The following SETD3 variants were observed in gnomAD, a reference collection of about 807,000 sequenced individuals.
SETD3 encodes the protein SET domain containing 3, actin N3(tau)-histidine methyltransferase, also known as actin-histidine N-methyltransferase.
Under a neutral mutation model 63.0 loss-of-function variants are expected in SETD3, and 19 were observed. The observed-to-expected ratio is 0.30, with a 90% confidence interval of 0.21 to 0.44. The LOEUF is 0.44. SETD3 is among the 20% of genes least tolerant of loss of function. The pLI, the probability that SETD3 is intolerant of heterozygous loss-of-function variation, is 1.00. For synonymous variants in SETD3, 286 were observed against 264.1 expected (o/e 1.08, Z -0.80); for missense variants, 587 against 728.5 (o/e 0.81, Z 2.24).
intron 4 of SETD3, 151 bp downstream of exon 4, chr14:99,461,041 T>C (rs923304452): frequency 8.0e-6 from 7 of 876,286 alleles, no homozygotes; most frequent in South Asian, 5.4e-5. Context: ...GCTTAGAACA[T>C]GAGCCCAAGG....
chr14:99,434,681 C>A (rs551795949), intron 6 of SETD3, among the ~76,000 whole-genome samples: 107 of 151,838 alleles, frequency 7.0e-4, no homozygotes, highest in African/African-American at 2.5e-3. Flanking sequence ...AACCCCGTCT[C>A]TACTAAAAAT....
chr14:99,418,812 G>C (rs1892419558), intron 6 of SETD3, among the ~76,000 whole-genome samples: 1 of 152,164 alleles, frequency 6.6e-6, no homozygotes, highest in African/African-American at 2.4e-5. Flanking sequence ...AGAAATGGGA[G>C]AAGATAAACA....
intron 1 of SETD3, among the ~76,000 whole-genome samples, chr14:99,473,221 G>A (rs868308664): frequency 6.6e-6 from 1 of 152,136 alleles, no homozygotes; most frequent in African/African-American, 2.4e-5. Context: ...CTTTTCCATC[G>A]AATCTGAATC....
intron 8 of SETD3, among the ~76,000 whole-genome samples, chr14:99,407,147 T>A (rs908959603): frequency 3.3e-5 from 5 of 152,206 alleles, no homozygotes; most frequent in African/African-American, 1.2e-4. Context: ...AAAGGCAAAA[T>A]AAAATAACTG....
rs150099133 is a variant in SETD3, at chr14:99,438,987, C to T, written c.675+19292G>A. 6.0e-3 allele frequency among the ~76,000 whole-genome samples: 914 copies of T among 152,362 alleles called. 6 individuals carry two copies. The highest frequency in any genetic ancestry group is 1.0e-2 in the Non-Finnish European group (678 of 68,024). On this transcript the variant is annotated intron_variant, in intron 6 of 12. Coordinates refer to ENST00000331768, the MANE Select transcript of SETD3 (RefSeq NM_032233.3). Reference sequence around the variant, plus strand: ...ATTTATATTCATGATAGCTCAGCTACATTCACAAGTCTGTCACAGAGGGTA... The same window carrying T: ...ATTTATATTCATGATAGCTCAGCTATATTCACAAGTCTGTCACAGAGGGTA...
At chr14:99,426,598 T>A (rs781088761) in intron 6 of SETD3, among the ~76,000 whole-genome samples, 1 of 152,204 alleles carries the variant, frequency 6.6e-6, no homozygotes, top group Non-Finnish European at 1.5e-5. Flanking sequence ...CTGATAAATA[T>A]GAACTGACTC....
chr14:99,405,371 T>C lies in SETD3; in HGVS notation c.925A>G (p.Ile309Val). 1 of 1,609,928 alleles carries C rather than the reference T, an allele frequency of 6.2e-7. No homozygotes were observed. Among genetic ancestry groups the C allele is most frequent in the South Asian group, 1.1e-5 (1 of 90,194 alleles). ...GATCGAGTGCCATAAAAAATGTAAA[T>C]CTGAGATGCAGTAAAGAAAAAAGAA... ...ALQDFRAGEQ[I>V]YIFYGTRSNA... The change falls in exon 10 of 13, where the codon ATT becomes GTT. Residue 309 changes from isoleucine to valine, a missense_variant and splice_region_variant. Transcript: ENST00000331768.
chr14:99,401,159 C>A (rs1367795491), intron 11 of SETD3, among the ~76,000 whole-genome samples: 2 of 150,752 alleles, frequency 1.3e-5, no homozygotes, highest in East Asian at 1.9e-4. Flanking sequence ...AAAAAAAATT[C>A]TCAGTTAATG....
intron 6 of SETD3, among the ~76,000 whole-genome samples, chr14:99,456,144 G>A (rs1472608840): frequency 1.3e-5 from 2 of 152,108 alleles, no homozygotes; most frequent in African/African-American, 2.4e-5. Context: ...GACACAGCAA[G>A]ACCCTGTCTC....
intron 6 of SETD3, among the ~76,000 whole-genome samples, chr14:99,440,987 G>A (rs1360571382): frequency 6.6e-6 from 1 of 152,202 alleles, no homozygotes; most frequent in Admixed American, 6.5e-5. Context: ...CTGATGCTCA[G>A]GGCCAATGAG....
intron 11 of SETD3, among the ~76,000 whole-genome samples, chr14:99,403,879 G>A (rs1419450116): frequency 6.6e-6 from 1 of 152,204 alleles, no homozygotes; most frequent in East Asian, 1.9e-4. Flanking sequence ...ACTGCTCTAT[G>A]TAAGTGAAAA....
chr14:99,465,993 G>GA (rs370221807), intron 1 of SETD3, among the ~76,000 whole-genome samples, 180 bp from the exon 2 acceptor site: 7,061 of 148,904 alleles, frequency 0.047, 190 homozygotes, highest in Non-Finnish European at 0.071. Context: ...TCTCAAATGG[G>GA]AAAAAAAAAA....
In SETD3 at chr14:99,404,254, G is replaced by A; in HGVS notation, c.1148C>T (p.Ala383Val). The A allele has an allele frequency of 6.2e-7, 1 of 1,614,078 alleles. No individual in the cohort carries two copies. Among genetic ancestry groups the A allele is most frequent in the Non-Finnish European group, 8.5e-7 (1 of 1,179,988 alleles). The change falls in exon 11 of 13, where the codon GCT becomes GTT. Residue 383 changes from alanine to valine, a missense_variant. By Grantham distance (64) the Ala-to-Val change is moderately conservative. Coordinates refer to ENST00000331768, the MANE Select transcript of SETD3 (RefSeq NM_032233.3). ...AGTCATACAGAATACTCGGAGAAAA[G>A]CCAAAAGCTGAGCAGAGATGGGCGG... Reference protein sequence around the residue: ...TEPPISAQLLAFLRVFCMTEE... With the variant: ...TEPPISAQLLVFLRVFCMTEE...
chr14:99,474,436 G>GT (rs1895863344), intron 1 of SETD3, among the ~76,000 whole-genome samples: 1 of 152,194 alleles, frequency 6.6e-6, no homozygotes, highest in African/African-American at 2.4e-5. Flanking sequence ...TTTCAACTCA[G>GT]TAACTACTTA....
intron 11 of SETD3, among the ~76,000 whole-genome samples, chr14:99,401,897 ACTC>A (rs1891407341): frequency 6.6e-6 from 1 of 152,144 alleles, no homozygotes; most frequent in Non-Finnish European, 1.5e-5. Context: ...GTGAAACTGG[ACTC>A]ATTTCACATT....
intron 6 of SETD3, among the ~76,000 whole-genome samples, chr14:99,457,228 T>C (rs1025177940): frequency 6.6e-6 from 1 of 152,248 alleles, no homozygotes; most frequent in African/African-American, 2.4e-5. Flanking sequence ...ATATACATAC[T>C]GTATGACCAT....
intron 4 of SETD3, 23 bp from the exon 5 acceptor site, chr14:99,459,208 G>A (rs1306547604): frequency 6.4e-7 from 1 of 1,551,540 alleles, no homozygotes. Flanking sequence ...ATAATAATAG[G>A]AGAATCATCA....
Position 99,406,468 on chromosome 14 carries a change from T to C in SETD3, c.924+48A>G, listed in dbSNP as rs565681157. ...AAGATTACCAACACGGTGTTAACGT[T>C]AGTGCCCACTGGCTGGCTCACATTT... On this transcript the variant is annotated intron_variant, in intron 9 of 12. Coordinates refer to ENST00000331768, the MANE Select transcript of SETD3 (RefSeq NM_032233.3). The C allele has an allele frequency of 2.0e-6, 3 of 1,531,288 alleles. No homozygotes were observed. The Admixed American group carries it at 5.0e-5, about 26-fold the overall frequency. The allele number at this position is 1,531,288 out of a possible 1,614,324, so 94.9% of individuals were successfully genotyped here. A position where few individuals can be genotyped will look rare whatever the true frequency, so the allele number is the denominator to read the frequency against.
At chr14:99,425,329 G>A (rs1892822906) in intron 6 of SETD3, among the ~76,000 whole-genome samples, 2 of 152,242 alleles carry the variant, frequency 1.3e-5, no homozygotes, top group Admixed American at 6.5e-5. Flanking sequence ...TAGAGTAGGA[G>A]CCACAAGGGG....
Sources: allele counts gnomAD v4.1 joint callset (sites outside exome capture counted in the v4.1 genomes callset), GRCh38; gene constraint gnomAD v4.1.1; transcripts MANE v1.5; gene names NCBI Gene and HGNC (gene_info 2026-07-23, HGNC 2026-07-21).